CTTNBP2NL: variants seen among roughly 807,000 people sequenced by gnomAD.
The protein encoded by CTTNBP2NL is CTTNBP2 N-terminal like.
In CTTNBP2NL, 16 loss-of-function variants were observed where a neutral mutation model predicts 32.5. The ratio of observed to expected loss-of-function variants is 0.49; its 90% CI spans 0.33 to 0.75. CTTNBP2NL has a LOEUF of 0.75. Among genes scored for constraint, CTTNBP2NL ranks in the 30% least tolerant of loss-of-function variants. The probability of loss-of-function intolerance (pLI) is 0.02; values close to 1 mark genes in which losing one functional copy is unlikely to be tolerated. For missense variants in CTTNBP2NL, 645 were observed against 756.0 expected (o/e 0.85, Z 1.72); for synonymous variants, 298 against 289.4 (o/e 1.03, Z -0.30).
At chr1:112,433,110 C>T (rs564583410) in intron 3 of CTTNBP2NL, among the ~76,000 whole-genome samples, 2 of 152,190 alleles carry the variant, frequency 1.3e-5, no homozygotes, top group South Asian at 4.1e-4. Flanking sequence ...TAAAATGTCC[C>T]TTCCTGTAGC....
At chr1:112,436,071 CT>C (rs369855117) in intron 3 of CTTNBP2NL, among the ~76,000 whole-genome samples, 21 of 118,862 alleles carry the variant, frequency 1.8e-4, no homozygotes, top group South Asian at 5.5e-4. Context: ...TTGAGATTTG[CT>C]TTTTTTTTTG....
intron 1 of CTTNBP2NL, among the ~76,000 whole-genome samples, chr1:112,411,065 T>G (rs1648849469): frequency 6.6e-6 from 1 of 152,218 alleles, no homozygotes; most frequent in South Asian, 2.1e-4. Flanking sequence ...GGGCAGAAAT[T>G]GCTGGAATAG....
At chr1:112,444,397 C>G (rs1649977854) in intron 3 of CTTNBP2NL, among the ~76,000 whole-genome samples, 1 of 152,144 alleles carries the variant, frequency 6.6e-6, no homozygotes, top group African/African-American at 2.4e-5. Flanking sequence ...GCAAGTATGG[C>G]CGACTCTAAG....
chr1:112,419,783 G>A (rs1649168480), intron 3 of CTTNBP2NL, among the ~76,000 whole-genome samples: 1 of 152,186 alleles, frequency 6.6e-6, no homozygotes, highest in Non-Finnish European at 1.5e-5. Flanking sequence ...ATCTTTGAAA[G>A]TCTTAAACGG....
intron 3 of CTTNBP2NL, among the ~76,000 whole-genome samples, chr1:112,445,334 T>C (rs1418345876): frequency 6.6e-6 from 1 of 152,196 alleles, no homozygotes; most frequent in African/African-American, 2.4e-5. Flanking sequence ...TAGATCATCA[T>C]TACACACCCC....
chr1:112,427,317 T>C (rs1426585954), intron 3 of CTTNBP2NL, among the ~76,000 whole-genome samples: 1 of 152,216 alleles, frequency 6.6e-6, no homozygotes, highest in African/African-American at 2.4e-5. Flanking sequence ...ATTGTGTTTA[T>C]AGGTGACATC....
intron 1 of CTTNBP2NL, among the ~76,000 whole-genome samples, chr1:112,407,480 A>T (rs1489855723): frequency 6.6e-6 from 1 of 152,076 alleles, no homozygotes; most frequent in East Asian, 1.9e-4. Context: ...CTATATCTCT[A>T]TTTCCTCTTC....
upstream of CTTNBP2NL, among the ~76,000 whole-genome samples, chr1:112,391,951 G>A (rs180846735): frequency 2.6e-3 from 400 of 151,626 alleles, 3 homozygotes; most frequent in African/African-American, 9.2e-3. Context: ...AGATTGGGCC[G>A]CTGCACTCCA....
intron 3 of CTTNBP2NL, among the ~76,000 whole-genome samples, chr1:112,430,574 A>T (rs1227713958): frequency 2.5e-5 from 2 of 78,856 alleles, no homozygotes; most frequent in Non-Finnish European, 5.1e-5. Flanking sequence ...TTTTTTTGAG[A>T]CAGAGTCTGA....
In CTTNBP2NL at chr1:112,461,118, G is replaced by GT. The variant is rs1473020435; in HGVS notation, c.*3707dup. The GT allele has an allele frequency of 2.0e-5, 3 of 152,142 alleles. No homozygotes were observed. Among genetic ancestry groups the GT allele is most frequent in the Admixed American group, 2.0e-4 (3 of 15,274 alleles). The allele number at this position is 152,142 out of a possible 1,614,324, so 9.4% of individuals were successfully genotyped here. On this transcript the variant is annotated 3_prime_UTR_variant, in exon 6 of 6. Coordinates refer to ENST00000271277, the MANE Select transcript of CTTNBP2NL (RefSeq NM_018704.3). ...GAGAGCCTGTCCACCCACCATTTGT[G>GT]TATCAGTGGCCAATTCATTAGTAAA... is the stretch of plus-strand genomic sequence containing the variant.
chr1:112,402,037 G>A (rs919203669), intron 1 of CTTNBP2NL, among the ~76,000 whole-genome samples: 6 of 152,176 alleles, frequency 3.9e-5, no homozygotes, highest in Non-Finnish European at 7.4e-5. Context: ...CGTGAGCTTC[G>A]GGAGCATCTG....
chr1:112,414,363 C>CA (rs550822832), intron 2 of CTTNBP2NL, among the ~76,000 whole-genome samples: 372 of 152,038 alleles, frequency 2.4e-3, no homozygotes, highest in African/African-American at 8.5e-3. Flanking sequence ...GACTCCATCT[C>CA]AAAAAAAGAA....
intron 2 of CTTNBP2NL, 191 bp from the exon 3 acceptor site, chr1:112,415,966 G>A (rs955575265): frequency 2.0e-6 from 1 of 502,680 alleles, no homozygotes; most frequent in Admixed American, 4.0e-5. Context: ...AATAATTAAA[G>A]TGAATTTTAC....
intron 3 of CTTNBP2NL, among the ~76,000 whole-genome samples, chr1:112,436,656 CT>C (rs33985347): frequency 0.34 from 51,193 of 150,586 alleles, 10,732 homozygotes; most frequent in African/African-American, 0.58. Context: ...CTTTAGTACA[CT>C]TTTTTTTTTT....
intron 1 of CTTNBP2NL, among the ~76,000 whole-genome samples, chr1:112,410,087 A>G (rs1000028394): frequency 6.6e-6 from 1 of 152,194 alleles, no homozygotes; most frequent in Non-Finnish European, 1.5e-5. Flanking sequence ...GAAATCACTT[A>G]TTGATAACAT....
chr1:112,419,863 A>G lies in CTTNBP2NL; in HGVS notation c.99+3599A>G, dbSNP rs896870271. On this transcript the variant is annotated intron_variant, in intron 3 of 5. Coordinates refer to ENST00000271277, the MANE Select transcript of CTTNBP2NL (RefSeq NM_018704.3). ...CAGTTCTTTGGCCAAAAATGATCCCATTTTAATAGATGGTTTTTAGGAAGA... is the reference window on the plus strand; with the variant it reads ...CAGTTCTTTGGCCAAAAATGATCCCGTTTTAATAGATGGTTTTTAGGAAGA... Among the ~76,000 whole-genome samples, 4 of 152,188 alleles carry G rather than the reference A, an allele frequency of 2.6e-5. No individual in the cohort carries two copies. In the South Asian group the frequency reaches 6.2e-4, roughly 24 times the overall value.
At chr1:112,393,496 T>C (rs1350506878), upstream of CTTNBP2NL, among the ~76,000 whole-genome samples, 3 of 152,214 alleles carry the variant, frequency 2.0e-5, no homozygotes, top group Non-Finnish European at 4.4e-5. Context: ...TATACAAATC[T>C]AAGATATTGT....
At chr1:112,414,052 A>AAAAT (rs1261580184) in intron 2 of CTTNBP2NL, among the ~76,000 whole-genome samples, 1 of 151,550 alleles carries the variant, frequency 6.6e-6, no homozygotes, top group Non-Finnish European at 1.5e-5. Context: ...CTGTCTCAAA[A>AAAAT]AAATAAATAA....
intron 3 of CTTNBP2NL, among the ~76,000 whole-genome samples, chr1:112,430,910 C>T (rs1649551335): frequency 6.6e-6 from 1 of 152,186 alleles, no homozygotes; most frequent in Non-Finnish European, 1.5e-5. Context: ...TATTGTCTGG[C>T]ATCAGCTGTT....
Sources: gnomAD v4.1 joint callset for allele counts (sites outside exome capture counted in the v4.1 genomes callset) on GRCh38, gnomAD v4.1.1 for gene constraint, MANE v1.5 for transcripts, NCBI Gene and HGNC (gene_info 2026-07-23, HGNC 2026-07-21) for gene names.